Variants in SLC37A1 observed in about 807,000 individuals in gnomAD.
The protein encoded by SLC37A1 is solute carrier family 37 member 1.
A neutral mutation model predicts 75.3 loss-of-function variants in SLC37A1; 49 were observed. The ratio of observed to expected loss-of-function variants is 0.65; its 90% CI spans 0.52 to 0.83. SLC37A1 has a LOEUF of 0.83. SLC37A1 is among the 40% of genes least tolerant of loss of function. The pLI is 0.00. For synonymous variants in SLC37A1, 268 were observed against 292.1 expected (o/e 0.92, Z 0.84); for missense variants, 566 against 695.0 (o/e 0.81, Z 2.09).
intron 18 of SLC37A1, among the ~76,000 whole-genome samples, chr21:42,578,001 C>A (rs17767618): frequency 0.024 from 3,595 of 152,312 alleles, 72 homozygotes; most frequent in Non-Finnish European, 0.037. Context: ...GGTCCGTGAG[C>A]TTGAGTTGGG....
At chr21:42,573,913 C>G (rs980730488) in intron 17 of SLC37A1, among the ~76,000 whole-genome samples, 3 of 152,220 alleles carry the variant, frequency 2.0e-5, no homozygotes, top group Admixed American at 1.3e-4. Context: ...TATTTGTTTT[C>G]ATCATTTAAA....
intron 17 of SLC37A1, among the ~76,000 whole-genome samples, chr21:42,572,673 C>CAAAAA (rs1569044766): frequency 5.2e-5 from 1 of 19,226 alleles, no homozygotes. Flanking sequence ...CAGCCACACA[C>CAAAAA]ACACAAAAAA....
chr21:42,572,632 A>G (rs1173379168), intron 17 of SLC37A1, among the ~76,000 whole-genome samples: 1 of 145,278 alleles, frequency 6.9e-6, no homozygotes, highest in Non-Finnish European at 1.5e-5. Flanking sequence ...TTCATGTTAG[A>G]CTGAATCATG....
intron 1 of SLC37A1, among the ~76,000 whole-genome samples, chr21:42,515,475 T>G (rs1319045688): frequency 6.6e-6 from 1 of 152,220 alleles, no homozygotes; most frequent in Non-Finnish European, 1.5e-5. Flanking sequence ...CTCCTGCTAT[T>G]GCTCACTTCC....
At chr21:42,561,937 AGTAC>A in intron 11 of SLC37A1, 137 bp from the exon 12 acceptor site, 1 of 699,496 alleles carries the variant, frequency 1.4e-6, no homozygotes. Flanking sequence ...CACCCTCCCC[AGTAC>A]GTGTCTGGAG....
chr21:42,530,574 C>T (rs953649995), intron 3 of SLC37A1, among the ~76,000 whole-genome samples: 5 of 148,002 alleles, frequency 3.4e-5, no homozygotes, highest in African/African-American at 9.9e-5. Flanking sequence ...GTTGACTAGA[C>T]AGATCGTCAA....
At chr21:42,558,623 C>T (rs902262053) in intron 10 of SLC37A1, among the ~76,000 whole-genome samples, 11 of 152,152 alleles carry the variant, frequency 7.2e-5, no homozygotes, top group East Asian at 3.9e-4. Flanking sequence ...AGATGTCATT[C>T]GTATGGATGT....
Position 42,579,794 on chromosome 21 carries a change from A to G in SLC37A1, c.1580A>G (p.Gln527Arg), listed in dbSNP as rs748415842. Reference sequence around the variant, plus strand: ...TGCCCAGGGTCAGCTACGGGGGACCAAGTTCCGTAAGTCCCACTCGGGCCC... The same window carrying G: ...TGCCCAGGGTCAGCTACGGGGGACCGAGTTCCGTAAGTCCCACTCGGGCCC... ...LSCPGSATGD[Q>R]VPFKEQ Residue 527 changes from glutamine to arginine, a missense_variant, in exon 19 of 20, where the codon CAA becomes CGA. By Grantham distance (43) the Gln-to-Arg change is conservative. Coordinates refer to ENST00000352133, the MANE Select transcript of SLC37A1 (RefSeq NM_001320537.2). 4.3e-6 allele frequency: 7 copies of G among 1,614,114 alleles called. No individual in the cohort carries two copies. Among genetic ancestry groups the G allele is most frequent in the Non-Finnish European group, 5.9e-6 (7 of 1,180,016 alleles).
rs202206644 is a variant in SLC37A1, at chr21:42,545,553, G to A, written c.731-1550G>A. ...CAGGGTGAGCCCCAAAGGACAGGGC[G>A]TCCCCTGCTCCTTTCTCAGGCCTCT... On this transcript the variant is annotated intron_variant, in intron 8 of 19. Transcript: ENST00000352133. The surrounding 1 kb of genome is among the most constrained non-coding windows in gnomAD (Gnocchi z 4.0). Among the ~76,000 whole-genome samples, 13 of 152,324 alleles carry A rather than the reference G, an allele frequency of 8.5e-5. No homozygotes were observed. The South Asian group carries it at 1.4e-3, about 17-fold the overall frequency.
chr21:42,523,533 C>T (rs2054704671), intron 2 of SLC37A1, among the ~76,000 whole-genome samples: 1 of 152,266 alleles, frequency 6.6e-6, no homozygotes, highest in African/African-American at 2.4e-5. Flanking sequence ...ACTTTCTTTC[C>T]TTGCCAGAAA....
chr21:42,508,067 C>T (rs1238063406), intron 2 of SLC37A1, among the ~76,000 whole-genome samples: 1 of 151,880 alleles, frequency 6.6e-6, no homozygotes, highest in African/African-American at 2.4e-5. Flanking sequence ...AAAGAACAGC[C>T]CCTTGATTTA....
rs949110988 is a variant in SLC37A1 at position 42,540,040 on chromosome 21, C to T, written c.486+393C>T. Among the ~76,000 whole-genome samples the T allele has an allele frequency of 1.9e-4, 18 of 96,700 alleles. No homozygotes were observed. In the East Asian group the frequency reaches 3.4e-3, roughly 18 times the overall value. 63.4% of individuals were successfully genotyped at this position (96,700 alleles called of 152,430 possible). A position where few individuals can be genotyped will look rare whatever the true frequency, so the allele number is the denominator to read the frequency against. On this transcript the variant is annotated intron_variant, in intron 6 of 19. Transcript: ENST00000352133. ...GCCCCAGCTGCAGTCACCCTAACAG[C>T]GGTGGCAGGGAGTTCCCACCAGGGG...
intron 1 of SLC37A1, among the ~76,000 whole-genome samples, chr21:42,501,377 C>A (rs561001895): frequency 6.6e-6 from 1 of 151,922 alleles, no homozygotes; most frequent in African/African-American, 2.4e-5. Flanking sequence ...AATTACAGAC[C>A]CATTGGGGGG....
rs577739774 is a variant in SLC37A1, at chr21:42,516,478, A to G, written c.-179+1761A>G. 2.0e-5 allele frequency among the ~76,000 whole-genome samples: 3 copies of G among 152,302 alleles called. No homozygotes were observed. The East Asian group carries it at 5.8e-4, about 29-fold the overall frequency. ...AGAGGTCTTGACCCACTCAAAATGAAGTGGTCTTTAGTGGTGCTGCACAGG... is the reference window on the plus strand; with the variant it reads ...AGAGGTCTTGACCCACTCAAAATGAGGTGGTCTTTAGTGGTGCTGCACAGG... On this transcript the variant is annotated intron_variant, in intron 1 of 19. Coordinates refer to ENST00000352133, the MANE Select transcript of SLC37A1 (RefSeq NM_001320537.2).
intron 17 of SLC37A1, among the ~76,000 whole-genome samples, chr21:42,572,085 C>T (rs56074288): frequency 0.025 from 3,883 of 152,294 alleles, 162 homozygotes; most frequent in African/African-American, 0.088. Flanking sequence ...CTTACAAGTG[C>T]GTGATGGCTG....
intron 10 of SLC37A1, among the ~76,000 whole-genome samples, chr21:42,556,346 G>C (rs1282894671): frequency 1.3e-5 from 2 of 152,194 alleles, no homozygotes; most frequent in Non-Finnish European, 2.9e-5. Context: ...GCACGGAGTG[G>C]GTATTTGGAG....
At chr21:42,565,724 C>T (rs575620338) in intron 14 of SLC37A1, 103 bp from the exon 15 acceptor site, 2 of 1,065,256 alleles carry the variant, frequency 1.9e-6, no homozygotes, top group Admixed American at 3.7e-5. Flanking sequence ...CTTGGGATGG[C>T]TGCCTGAGAA....
At chr21:42,569,211 C>T (rs758523691) in intron 17 of SLC37A1, among the ~76,000 whole-genome samples, 2 of 152,182 alleles carry the variant, frequency 1.3e-5, no homozygotes, top group Non-Finnish European at 2.9e-5. Flanking sequence ...GAAGGTGGCT[C>T]GGTAGACCCA....
Position 42,569,490 on chromosome 21 carries a change from GCCGCA to G in SLC37A1, c.1423+1054_1423+1058del, listed in dbSNP as rs1425368010. 8.5e-4 allele frequency among the ~76,000 whole-genome samples: 10 copies of G among 11,762 alleles called. No homozygotes were observed. In the South Asian group the frequency reaches 0.013, roughly 15 times the overall value. 7.7% of individuals were successfully genotyped at this position (11,762 alleles called of 152,430 possible). On this transcript the variant is annotated intron_variant, in intron 17 of 19. Transcript: ENST00000352133. ...GGAAGGTCCCCACAGGTGACCTCGT[GCCGCA>G]CTCCCTCGTGCCGCACTCCCTCGTG...
Sources: gnomAD v4.1 joint callset for allele counts (sites outside exome capture counted in the v4.1 genomes callset) on GRCh38, gnomAD v4.1.1 for gene constraint, Gnocchi (gnomAD v3.1) non-coding constraint, MANE v1.5 for transcripts, NCBI Gene and HGNC (gene_info 2026-07-23, HGNC 2026-07-21) for gene names.